Variants in ZFAND3 observed in about 807,000 individuals in gnomAD.
ZFAND3 encodes the protein zinc finger AN1-type containing 3.
Under a neutral mutation model 29.6 loss-of-function variants are expected in ZFAND3, and 10 were observed. The observed-to-expected ratio is 0.34, with a 90% CI of 0.21 to 0.57. The LOEUF (loss-of-function observed/expected upper bound fraction) is 0.57, where lower values mean the gene tolerates loss of function less well. Among genes scored for constraint, ZFAND3 ranks in the 20% least tolerant of loss-of-function variants. ZFAND3 has a pLI of 0.86. For missense variants in ZFAND3, 230 were observed against 304.5 expected, an observed-to-expected ratio of 0.76 and a Z score of 1.82; for synonymous variants, 128 against 112.6, an observed-to-expected ratio of 1.14 and a Z score of -0.87.
At chr6:38,124,221 G>C (rs1765587033) in intron 5 of ZFAND3, among the ~76,000 whole-genome samples, 1 of 152,214 alleles carries the variant, frequency 6.6e-6, no homozygotes, top group African/African-American at 2.4e-5. Context: ...TAGACATAAA[G>C]GTTCTCCAAG....
At position 38,025,373 on chromosome 6, in the gene ZFAND3, G is replaced by A. The variant is rs545299579; in HGVS notation, c.113-36220G>A. ...TGTTTTTATCCCCCCTTTTTTAGGA[G>A]GCACAATATCCAAGTAATTTAAGTG... On this transcript the variant is annotated intron_variant, in intron 2 of 5. Transcript: ENST00000287218. Among the ~76,000 whole-genome samples, 44 of 152,202 alleles carry A rather than the reference G, an allele frequency of 2.9e-4. 2 individuals are homozygous for A. The East Asian group carries it at 6.4e-3, about 22-fold the overall frequency.
chr6:37,954,218 T>C (rs1762047347), intron 2 of ZFAND3, among the ~76,000 whole-genome samples: 1 of 79,394 alleles, frequency 1.3e-5, no homozygotes. Context: ...TTTCCTATGC[T>C]TGGAGTTCAT....
chr6:38,144,340 G>A (rs929868845), intron 5 of ZFAND3, among the ~76,000 whole-genome samples: 2 of 151,800 alleles, frequency 1.3e-5, no homozygotes, highest in East Asian at 1.9e-4. Flanking sequence ...ATGAGTTGAT[G>A]TACCACTTGA....
rs1014858213 is a variant in ZFAND3, at chr6:37,936,067, T to C, written c.112+6068T>C. 4.6e-4 allele frequency among the ~76,000 whole-genome samples: 70 copies of C among 152,316 alleles called. 3 individuals are homozygous for C. Among genetic ancestry groups the C allele is most frequent in the Non-Finnish European group, 2.2e-4 (15 of 68,002 alleles). On this transcript the variant is annotated intron_variant, in intron 2 of 5. Transcript: ENST00000287218. ...GTGTTTAATATTTAGGAATAGTTAG[T>C]ACCTAATTCATGATGACCTCTTGTT... is the stretch of plus-strand genomic sequence containing the variant.
chr6:38,130,516 C>T (rs1280032154), intron 5 of ZFAND3, among the ~76,000 whole-genome samples: 1 of 152,180 alleles, frequency 6.6e-6, no homozygotes, highest in Non-Finnish European at 1.5e-5. Context: ...GAGTTTTAAT[C>T]ATAAAGTGAT....
chr6:37,973,494 A>C (rs1762426043), intron 2 of ZFAND3, among the ~76,000 whole-genome samples: 1 of 152,236 alleles, frequency 6.6e-6, no homozygotes, highest in African/African-American at 2.4e-5. Flanking sequence ...AATGTTCTCT[A>C]TCTGTGCTAT....
chr6:38,063,147 G>A (rs1190356407), intron 3 of ZFAND3, among the ~76,000 whole-genome samples: 1 of 152,100 alleles, frequency 6.6e-6, no homozygotes, highest in Non-Finnish European at 1.5e-5. Flanking sequence ...AAACACAGTA[G>A]GTTAGAATGT....
intron 2 of ZFAND3, among the ~76,000 whole-genome samples, chr6:38,001,100 A>G (rs189566746): frequency 2.0e-5 from 3 of 152,332 alleles, no homozygotes; most frequent in African/African-American, 2.4e-5. Flanking sequence ...GAATGCTTGT[A>G]TATCCTTTTA....
intron 1 of ZFAND3, among the ~76,000 whole-genome samples, chr6:37,888,387 A>G (rs541593525): frequency 6.6e-5 from 10 of 152,194 alleles, no homozygotes; most frequent in African/African-American, 2.2e-4. Context: ...AAGAGAATTA[A>G]CATCTGAAAT....
intron 1 of ZFAND3, among the ~76,000 whole-genome samples, chr6:37,860,655 T>TTTTTG (rs553527543): frequency 6.9e-6 from 1 of 144,440 alleles, no homozygotes; most frequent in Non-Finnish European, 1.5e-5. Context: ...TTTTTTTTTT[T>TTTTTG]TTAAGTAGGT....
intron 4 of ZFAND3, among the ~76,000 whole-genome samples, chr6:38,093,391 A>G (rs762097131): frequency 1.3e-5 from 2 of 152,184 alleles, no homozygotes; most frequent in Admixed American, 6.5e-5. Flanking sequence ...GATTGAAACT[A>G]TTTTCAGTTT....
At chr6:38,089,156 C>T (rs1764815896) in intron 4 of ZFAND3, among the ~76,000 whole-genome samples, 1 of 151,946 alleles carries the variant, frequency 6.6e-6, no homozygotes, top group Admixed American at 6.6e-5. Flanking sequence ...GCTTTGTCAC[C>T]CAGGCTGGAG....
At chr6:37,998,730 A>G (rs1274260464) in intron 2 of ZFAND3, among the ~76,000 whole-genome samples, 2 of 152,172 alleles carry the variant, frequency 1.3e-5, no homozygotes, top group African/African-American at 2.4e-5. Flanking sequence ...AAATAAATGG[A>G]TGGTGGAAGC....
intron 2 of ZFAND3, among the ~76,000 whole-genome samples, chr6:38,053,266 G>A (rs1463067682): frequency 6.6e-6 from 1 of 151,648 alleles, no homozygotes; most frequent in Non-Finnish European, 1.5e-5. Flanking sequence ...GAAGGGTTTA[G>A]GCAGGGAGGT....
At chr6:38,040,926 T>A (rs1203485423) in intron 2 of ZFAND3, among the ~76,000 whole-genome samples, 2 of 152,240 alleles carry the variant, frequency 1.3e-5, no homozygotes, top group Admixed American at 6.5e-5. Context: ...CTCAGTAATA[T>A]CCTTTTTAAA....
At chr6:37,914,642 TTTTCTTTCTTTC>T (rs143078312) in intron 1 of ZFAND3, among the ~76,000 whole-genome samples, 4 of 143,280 alleles carry the variant, frequency 2.8e-5, no homozygotes, top group Admixed American at 6.9e-5. Flanking sequence ...CCCATAATTA[TTTTCTTTCTTTC>T]TTTCTTTCTT....
At chr6:37,994,193 G>A (rs1197024786) in intron 2 of ZFAND3, among the ~76,000 whole-genome samples, 2 of 152,156 alleles carry the variant, frequency 1.3e-5, no homozygotes, top group East Asian at 1.9e-4. Flanking sequence ...TTATGATCCT[G>A]AAGATGATGG....
At chr6:38,144,210 T>TATATATATAA (rs1165917870) in intron 5 of ZFAND3, among the ~76,000 whole-genome samples, 3 of 37,060 alleles carry the variant, frequency 8.1e-5, no homozygotes, top group African/African-American at 4.4e-4. Flanking sequence ...TATATATATA[T>TATATATATAA]AATATATAAT....
chr6:37,906,031 A>G (rs758762732), intron 1 of ZFAND3, among the ~76,000 whole-genome samples: 5 of 152,158 alleles, frequency 3.3e-5, no homozygotes, highest in Non-Finnish European at 7.4e-5. Context: ...TTATTTTTAA[A>G]TTATGGTATA....
Sources: allele counts gnomAD v4.1 joint callset (sites outside exome capture counted in the v4.1 genomes callset), GRCh38; gene constraint gnomAD v4.1.1; transcripts MANE v1.5; gene names NCBI Gene and HGNC (gene_info 2026-07-23, HGNC 2026-07-21).